The following GGT5 variants were observed in gnomAD, a reference collection of about 807,000 sequenced individuals.
The protein encoded by GGT5 is glutathione hydrolase 5 proenzyme.
In GGT5, 50 loss-of-function variants were observed where a neutral mutation model predicts 58.1. That is an observed-to-expected ratio of 0.86 (90% CI 0.69 to 1.09). The LOEUF (loss-of-function observed/expected upper bound fraction) is 1.09. Among genes scored for constraint, GGT5 ranks in the 50% least tolerant of loss-of-function variants. GGT5 has a pLI of 0.00. For synonymous variants in GGT5, 370 were observed against 346.1 expected (o/e 1.07, Z -0.77); for missense variants, 800 against 789.4 (o/e 1.01, Z -0.16).
intron 9 of GGT5, 42 bp downstream of exon 9, chr22:24,225,503 TG>T (rs745862633): frequency 1.3e-6 from 2 of 1,574,840 alleles, no homozygotes; most frequent in Non-Finnish European, 8.7e-7. Context: ...TCTCCCCTGG[TG>T]GGGGGCCCTT....
intron 1 of GGT5, among the ~76,000 whole-genome samples, chr22:24,239,369 G>C (rs1051830462): frequency 6.6e-6 from 1 of 151,948 alleles, no homozygotes; most frequent in African/African-American, 2.4e-5. Flanking sequence ...AGAGGTAAAC[G>C]TGTGGGTAAA....
chr22:24,222,335 G>T (rs935856083), intron 11 of GGT5, among the ~76,000 whole-genome samples: 23 of 152,162 alleles, frequency 1.5e-4, no homozygotes, highest in Admixed American at 1.4e-3. Flanking sequence ...GGTCTTTGGA[G>T]CCCTGCACGT....
chr22:24,226,681 T>C lies in GGT5; in HGVS notation c.988A>G (p.Lys330Glu). The C allele has an allele frequency of 6.2e-7, 1 of 1,614,044 alleles. No homozygotes were observed. Among genetic ancestry groups the C allele is most frequent in the Non-Finnish European group, 8.5e-7 (1 of 1,179,932 alleles). The change falls in exon 7 of 12, where the codon AAG becomes GAG. Residue 330 changes from lysine to glutamate, a missense_variant. Coordinates refer to ENST00000327365, the MANE Select transcript of GGT5 (RefSeq NM_004121.5). ...HHLVETLKFA[K>E]GQRWRLGDPR... ...TCCCCCAGCCTCCACCTCTGCCCCT[T>C]GGCAAACTTGAGCGTCTCTACAAGG...
At position 24,238,787 on chromosome 22, in the gene GGT5, T is replaced by A. The variant is rs8137281; in HGVS notation, c.174-4783A>T. ...TATATATATATATATATAATATATA[T>A]TATATATTTATATATATATAATATA... On this transcript the variant is annotated intron_variant, in intron 1 of 11. Coordinates refer to ENST00000327365, the MANE Select transcript of GGT5 (RefSeq NM_004121.5). Among the ~76,000 whole-genome samples, 37 of 13,968 alleles carry A rather than the reference T, an allele frequency of 2.6e-3. 2 individuals carry two copies. Among genetic ancestry groups the A allele is most frequent in the South Asian group, 8.7e-3 (4 of 458 alleles). The allele number at this position is 13,968 out of a possible 152,430, so 9.2% of individuals were successfully genotyped here. A position where few individuals can be genotyped will look rare whatever the true frequency, so the allele number is the denominator to read the frequency against.
chr22:24,244,255 C>T, intron 1 of GGT5: 1 of 371,834 alleles, frequency 2.7e-6, no homozygotes. Flanking sequence ...GTGCTGAAGC[C>T]CACACACACA....
intron 1 of GGT5, 61 bp from the exon 2 acceptor site, chr22:24,234,065 T>C: frequency 6.6e-7 from 1 of 1,520,750 alleles, no homozygotes; most frequent in South Asian, 1.2e-5. Context: ...CCACCAGGCT[T>C]GCTCAGCTGG....
chr22:24,238,786 ATTATATATTTATATATATATAATATAT>A (rs2048185930), intron 1 of GGT5, among the ~76,000 whole-genome samples: 1 of 21,204 alleles, frequency 4.7e-5, no homozygotes, highest in Non-Finnish European at 7.0e-5. Flanking sequence ...TATAATATAT[ATTATATATTTATATATATATAATATAT>A]TATATATATA....
chr22:24,238,850 ATATAT>A (rs2048212755), intron 1 of GGT5, among the ~76,000 whole-genome samples: 9 of 13,968 alleles, frequency 6.4e-4, no homozygotes, highest in African/African-American at 2.9e-3. Context: ...TATATATTAT[ATATAT>A]TATATATATA....
At chr22:24,233,058 G>A in intron 3 of GGT5, 40 bp from the exon 4 acceptor site, 1 of 1,398,494 alleles carries the variant, frequency 7.2e-7, no homozygotes, top group Non-Finnish European at 9.5e-7. Context: ...GTGGCTTCCA[G>A]GCCTTCCCAG....
At chr22:24,234,992 G>A (rs2048054931) in intron 1 of GGT5, among the ~76,000 whole-genome samples, 1 of 151,178 alleles carries the variant, frequency 6.6e-6, no homozygotes. Context: ...AGCTCACTGA[G>A]GTCAACCTCT....
Position 24,244,637 on chromosome 22 carries a change from G to A in GGT5, c.89C>T (p.Ser30Phe). ...LAVIVLAVVL[S>F]RHQAPCGPQA... ...GGGGCCACATGGGGCCTGGTGTCGA[G>A]AGAGGACCACAGCCAGCACAATGAC... The change falls in exon 1 of 12, where the codon TCT (serine) becomes TTT (phenylalanine). Residue 30 changes from serine (S) to phenylalanine (F), a missense_variant. Coordinates refer to ENST00000327365, the MANE Select transcript of GGT5 (RefSeq NM_004121.5). 1 of 1,612,900 alleles carries A rather than the reference G, an allele frequency of 6.2e-7. No individual in the cohort carries two copies. The highest frequency in any genetic ancestry group is 8.5e-7 in the Non-Finnish European group (1 of 1,179,944).
At position 24,232,112 on chromosome 22, in the gene GGT5, G is replaced by A. The variant is rs745447492; in HGVS notation, c.693C>T (p.Gly231=). The A allele has an allele frequency of 4.7e-5, 75 of 1,611,104 alleles. 2 individuals are homozygous for A. The Admixed American group carries it at 1.0e-3, about 22-fold the overall frequency. ...GCCTCCCCGTGTAGAAGACCTCCACGCCCTCTGTGGCCACGGTCTCCAGGG... is the reference window on the plus strand; with the variant it reads ...GCCTCCCCGTGTAGAAGACCTCCACACCCTCTGTGGCCACGGTCTCCAGGG... ...ATTLETVATE[G]VEVFYTGRLG... is the part of the protein sequence containing the mutation. Residue 231 remains glycine, a synonymous_variant, in exon 5 of 12, where the codon GGC becomes GGT. Transcript: ENST00000327365.
At chr22:24,226,809 T>C (rs2047781754) in intron 6 of GGT5, 42 bp from the exon 7 acceptor site, 1 of 1,587,270 alleles carries the variant, frequency 6.3e-7, no homozygotes, top group Non-Finnish European at 8.6e-7. Context: ...GGTCACCCTA[T>C]GTAATGGGTT....
intron 11 of GGT5, among the ~76,000 whole-genome samples, chr22:24,224,434 C>T (rs1182581504): frequency 1.3e-5 from 2 of 151,880 alleles, no homozygotes; most frequent in African/African-American, 4.8e-5. Flanking sequence ...GGAAGGATCA[C>T]TTGAGCCCAG....
Position 24,231,365 on chromosome 22 carries a change from CT to C in GGT5, c.901+18del. 1 of 1,530,822 alleles carries C rather than the reference CT, an allele frequency of 6.5e-7. No individual in the cohort carries two copies. The highest frequency in any genetic ancestry group is 2.5e-5 in the East Asian group (1 of 40,746). 94.8% of individuals were successfully genotyped at this position (1,530,822 alleles called of 1,614,324 possible). On this transcript the variant is annotated intron_variant, in intron 6 of 11. Coordinates refer to ENST00000327365, the MANE Select transcript of GGT5 (RefSeq NM_004121.5). The stretch of plus-strand genomic sequence containing the variant: ...GCGGGGGAGGGGGTGGGCGCCAGGG[CT>C]CTGGGCAGGGGCTTTACCTCTTAGC...
At chr22:24,234,319 G>A (rs965189235) in intron 1 of GGT5, among the ~76,000 whole-genome samples, 8 of 152,160 alleles carry the variant, frequency 5.3e-5, no homozygotes, top group Admixed American at 1.3e-4. Context: ...CAGGCAGAAC[G>A]AGGCCTCGGC....
At chr22:24,226,417 C>T (rs2047767460) in intron 7 of GGT5, 151 bp from the exon 8 acceptor site, 1 of 762,188 alleles carries the variant, frequency 1.3e-6, no homozygotes, top group Admixed American at 2.7e-5. Flanking sequence ...TAGGTCTAGA[C>T]TCTGCTCACC....
rs761113341 is a variant in GGT5, at chr22:24,226,747, ACT to A, written c.920_921del (p.Glu307ValfsTer6). ...ACCCTCCCTTCAGGCCTGGCCATAGACTCTGTTGAGAAGTTGAACCCTGGAGA... is the reference window on the plus strand; with the variant it reads ...ACCCTCCCTTCAGGCCTGGCCATAGACTGTTGAGAAGTTGAACCCTGGAGA... ...NVLRGFNFST[E>X]SMARPEGRVN... On this transcript the variant is annotated frameshift_variant, in exon 7 of 12. Coordinates refer to ENST00000327365, the MANE Select transcript of GGT5 (RefSeq NM_004121.5). LOFTEE classifies it high-confidence loss of function. 2 of 1,613,774 alleles carry A rather than the reference ACT, an allele frequency of 1.2e-6. No homozygotes were observed. Among genetic ancestry groups the A allele is most frequent in the South Asian group, 1.1e-5 (1 of 91,080 alleles).
At chr22:24,221,475 C>T (rs895657675) in intron 11 of GGT5, among the ~76,000 whole-genome samples, 7 of 152,170 alleles carry the variant, frequency 4.6e-5, no homozygotes, top group East Asian at 1.9e-4. Context: ...AAGAAGAAAG[C>T]TTCAACTCCC....
Sources: gnomAD v4.1 joint callset for allele counts (sites outside exome capture counted in the v4.1 genomes callset) on GRCh38, gnomAD v4.1.1 for gene constraint, MANE v1.5 for transcripts, NCBI Gene and HGNC (gene_info 2026-07-23, HGNC 2026-07-21) for gene names.